Variants in CSMD1 observed in about 807,000 individuals in gnomAD.
CSMD1 encodes CUB and sushi domain-containing protein 1.
CSMD1 carries 213 observed loss-of-function variants against 417.5 expected under a neutral mutation model. That is an observed-to-expected ratio of 0.51 (90% CI 0.46 to 0.57). The LOEUF is 0.57. CSMD1 is among the 20% of genes least tolerant of loss of function. The pLI is 0.00. For missense variants in CSMD1, 6,923 were observed against 4,529.7 expected (o/e 1.53, Z -15.17); for synonymous variants, 2,862 against 1,736.8 (o/e 1.65, Z -16.11).
At chr8:3,616,615 C>T in intron 8 of CSMD1, 95 bp downstream of exon 8, 10 of 782,096 alleles carry the variant, frequency 1.3e-5, no homozygotes, top group South Asian at 8.2e-5. Flanking sequence ...TTATCTTTAC[C>T]TCAAAAGAAC....
At chr8:3,691,097 T>G (rs1422237797) in intron 7 of CSMD1, among the ~76,000 whole-genome samples, 2 of 152,082 alleles carry the variant, frequency 1.3e-5, no homozygotes, top group Non-Finnish European at 2.9e-5. Flanking sequence ...CCGGGCTTGG[T>G]GGCTCACACC....
intron 67 of CSMD1, among the ~76,000 whole-genome samples, chr8:2,949,747 G>C (rs867030668): frequency 1.6e-4 from 24 of 152,144 alleles, no homozygotes; most frequent in African/African-American, 5.3e-4. Context: ...CTATTGGGCA[G>C]GGTACATCAT....
At chr8:4,129,041 A>C (rs2130971183) in intron 3 of CSMD1, among the ~76,000 whole-genome samples, 1 of 141,944 alleles carries the variant, frequency 7.0e-6, no homozygotes, top group African/African-American at 2.6e-5. Flanking sequence ...GCGCCACTGC[A>C]CTCCAGCGTG....
chr8:4,921,871 G>A (rs1806520726), intron 1 of CSMD1, among the ~76,000 whole-genome samples: 1 of 152,184 alleles, frequency 6.6e-6, no homozygotes, highest in South Asian at 2.1e-4. Context: ...ACCCAAGAGT[G>A]ACTGTATTCA....
intron 3 of CSMD1, among the ~76,000 whole-genome samples, chr8:4,358,634 A>G (rs183709605): frequency 3.3e-5 from 5 of 152,316 alleles, no homozygotes; most frequent in Admixed American, 3.3e-4. Flanking sequence ...ATATCATGCA[A>G]TAATTTATGA....
At chr8:3,446,633 G>T (rs541829944) in intron 12 of CSMD1, among the ~76,000 whole-genome samples, 1 of 152,156 alleles carries the variant, frequency 6.6e-6, no homozygotes, top group African/African-American at 2.4e-5. Flanking sequence ...CAAAAGAAAC[G>T]CTGTTTGGGG....
chr8:3,305,172 G>T (rs1041366171), intron 25 of CSMD1, among the ~76,000 whole-genome samples: 1 of 152,016 alleles, frequency 6.6e-6, no homozygotes, highest in Non-Finnish European at 1.5e-5. Context: ...GGTGTGAGCC[G>T]CTATGCCTGG....
intron 10 of CSMD1, among the ~76,000 whole-genome samples, chr8:3,541,019 C>G (rs1341786446): frequency 6.6e-6 from 1 of 152,150 alleles, no homozygotes; most frequent in Non-Finnish European, 1.5e-5. Context: ...CCCAGCAATC[C>G]CATTACTGGG....
rs147599061 is a variant in CSMD1 at position 3,295,030 on chromosome 8, A to G, written c.3951-10684T>C. On this transcript the variant is annotated intron_variant, in intron 25 of 69. Transcript: ENST00000635120. ...GTGTATTTGTATTCCTAAACAATAT[A>G]TTGTACTACTCTGTGTGTTTAAGAG... Among the ~76,000 whole-genome samples the G allele has an allele frequency of 7.2e-5, 11 of 152,334 alleles. No homozygotes were observed. In the East Asian group the frequency reaches 2.1e-3, roughly 29 times the overall value.
At chr8:4,893,302 T>C (rs371982284) in intron 1 of CSMD1, among the ~76,000 whole-genome samples, 3 of 152,166 alleles carry the variant, frequency 2.0e-5, no homozygotes, top group Admixed American at 6.5e-5. Context: ...GCTCCTTATA[T>C]ATTCTGTAGA....
chr8:3,998,383 G>C (rs938383871), intron 4 of CSMD1, among the ~76,000 whole-genome samples: 1 of 152,186 alleles, frequency 6.6e-6, no homozygotes, highest in Non-Finnish European at 1.5e-5. Context: ...TAGTTGCCAT[G>C]TACCTGACAT....
At chr8:4,947,871 G>T (rs768931490) in intron 1 of CSMD1, among the ~76,000 whole-genome samples, 2 of 151,916 alleles carry the variant, frequency 1.3e-5, no homozygotes, top group Admixed American at 1.3e-4. Flanking sequence ...ATATCATTTT[G>T]TGAACATATT....
At chr8:4,072,979 G>T (rs1032803860) in intron 3 of CSMD1, among the ~76,000 whole-genome samples, 2 of 152,090 alleles carry the variant, frequency 1.3e-5, no homozygotes, top group Non-Finnish European at 2.9e-5. Flanking sequence ...ATCAGATTTT[G>T]CCTTGAATTA....
At chr8:4,420,762 G>A (rs1000193300) in intron 2 of CSMD1, among the ~76,000 whole-genome samples, 2 of 152,120 alleles carry the variant, frequency 1.3e-5, no homozygotes, top group African/African-American at 4.8e-5. Context: ...TGCTGACACA[G>A]CTCTGTGATC....
At chr8:3,281,989 G>T (rs933167154) in intron 26 of CSMD1, among the ~76,000 whole-genome samples, 1 of 152,110 alleles carries the variant, frequency 6.6e-6, no homozygotes, top group East Asian at 1.9e-4. Context: ...CCCGGTCGTG[G>T]AAGATGTGAC....
chr8:3,170,911 T>G (rs1820544126), intron 37 of CSMD1, among the ~76,000 whole-genome samples: 1 of 152,226 alleles, frequency 6.6e-6, no homozygotes, highest in Non-Finnish European at 1.5e-5. Flanking sequence ...GGTGATGAAC[T>G]AGTTGCCACA....
At chr8:3,815,812 G>C (rs576499773) in intron 5 of CSMD1, among the ~76,000 whole-genome samples, 3 of 152,196 alleles carry the variant, frequency 2.0e-5, no homozygotes, top group African/African-American at 7.2e-5. Context: ...GGCCTAGAAA[G>C]TCTAAATTCT....
chr8:3,670,604 A>ATGTATATGGGGATATATATATTG (rs771999714), intron 7 of CSMD1, among the ~76,000 whole-genome samples: 2 of 140,590 alleles, frequency 1.4e-5, no homozygotes, highest in Non-Finnish European at 3.1e-5. Flanking sequence ...TATATATTGC[A>ATGTATATGGGGATATATATATTG]CATATATATG....
intron 7 of CSMD1, among the ~76,000 whole-genome samples, chr8:3,620,348 C>A (rs934479459): frequency 4.8e-4 from 73 of 151,336 alleles, no homozygotes; most frequent in African/African-American, 1.6e-3. Flanking sequence ...AGAAAAGGGT[C>A]CCTAGTACAG....
Sources: allele counts gnomAD v4.1 joint callset (sites outside exome capture counted in the v4.1 genomes callset), GRCh38; gene constraint gnomAD v4.1.1; transcripts MANE v1.5; gene names NCBI Gene and HGNC (gene_info 2026-07-23, HGNC 2026-07-21).